The following LUZP2 variants were observed in gnomAD, a reference collection of about 807,000 sequenced individuals.
LUZP2 encodes the protein leucine zipper protein 2.
Under a neutral mutation model 51.6 loss-of-function variants are expected in LUZP2, and 52 were observed. That is an observed-to-expected ratio of 1.01 (90% confidence interval 0.81 to 1.27). The LOEUF (loss-of-function observed/expected upper bound fraction) is 1.27, where lower values mean the gene tolerates loss of function less well. Ranked by LOEUF, LUZP2 falls within the 50% of genes most tolerant of loss-of-function variation. The probability of loss-of-function intolerance (pLI) is 0.00; values close to 1 mark genes in which losing one functional copy is unlikely to be tolerated. For missense variants in LUZP2, 436 were observed against 395.4 expected, an observed-to-expected ratio of 1.10 and a Z score of -0.87; for synonymous variants, 154 against 137.3, an observed-to-expected ratio of 1.12 and a Z score of -0.85.
intron 1 of LUZP2, among the ~76,000 whole-genome samples, chr11:24,560,603 G>A (rs746398739): frequency 6.6e-6 from 1 of 152,096 alleles, no homozygotes; most frequent in Non-Finnish European, 1.5e-5. Context: ...AAAATACAGA[G>A]TTCTTTGCCC....
At chr11:24,738,429 C>G (rs1376721378) in intron 4 of LUZP2, 127 bp downstream of exon 4, 1 of 667,870 alleles carries the variant, frequency 1.5e-6, no homozygotes, top group Non-Finnish European at 2.6e-6. Flanking sequence ...AAAGAAGCAT[C>G]AGTCAATGTG....
rs1426852235 is a variant in LUZP2 at position 25,081,597 on chromosome 11, C to T, written c.*2939C>T. ...AGAATCGGATAAGTTTAAAATGTTC[C>T]TCTTACATTTGTGAATGTGTCTATG... On this transcript the variant is annotated 3_prime_UTR_variant, in exon 12 of 12. Coordinates refer to ENST00000336930, the MANE Select transcript of LUZP2 (RefSeq NM_001009909.4). 1 of 151,966 alleles carries T rather than the reference C, an allele frequency of 6.6e-6. No homozygotes were observed. The highest frequency in any genetic ancestry group is 1.5e-5 in the Non-Finnish European group (1 of 67,988). The allele number at this position is 151,966 out of a possible 1,614,324, so 9.4% of individuals were successfully genotyped here.
Position 24,671,616 on chromosome 11 carries a change from T to A in LUZP2, c.63-57553T>A, listed in dbSNP as rs187622664. Among the ~76,000 whole-genome samples, 357 of 151,886 alleles carry A rather than the reference T, an allele frequency of 2.4e-3. 1 individual carries two copies. Among genetic ancestry groups the A allele is most frequent in the African/African-American group, 8.4e-3 (349 of 41,468 alleles). On this transcript the variant is annotated intron_variant, in intron 1 of 11. Coordinates refer to ENST00000336930, the MANE Select transcript of LUZP2 (RefSeq NM_001009909.4). ...CTTTCACAAATATTTCAGATATTTG[T>A]TACTGCTTACAAGTAGACTCTGATG...
At chr11:24,815,334 A>T (rs1850148222) in intron 5 of LUZP2, among the ~76,000 whole-genome samples, 1 of 152,186 alleles carries the variant, frequency 6.6e-6, no homozygotes, top group Non-Finnish European at 1.5e-5. Context: ...AAATGTTTTT[A>T]TATTGACTTT....
intron 5 of LUZP2, among the ~76,000 whole-genome samples, chr11:24,889,935 T>A (rs866193463): frequency 6.6e-6 from 1 of 152,170 alleles, no homozygotes; most frequent in Non-Finnish European, 1.5e-5. Context: ...TACAAGTATA[T>A]CATAAATGCT....
Position 24,722,492 on chromosome 11 carries a change from A to G in LUZP2, c.63-6677A>G, listed in dbSNP as rs140533341. Among the ~76,000 whole-genome samples, 581 of 152,270 alleles carry G rather than the reference A, an allele frequency of 3.8e-3. 3 individuals carry two copies. The highest frequency in any genetic ancestry group is 0.013 in the African/African-American group (549 of 41,560). Reference sequence around the variant, plus strand: ...TGCCCCCATAATCCAACCACATCCCACCAGGTTCCTCCCACAACATGTAGG... The same window carrying G: ...TGCCCCCATAATCCAACCACATCCCGCCAGGTTCCTCCCACAACATGTAGG... On this transcript the variant is annotated intron_variant, in intron 1 of 11. Transcript: ENST00000336930.
intron 9 of LUZP2, among the ~76,000 whole-genome samples, chr11:25,042,075 A>C (rs918393958): frequency 3.3e-5 from 5 of 152,194 alleles, no homozygotes; most frequent in Non-Finnish European, 5.9e-5. Flanking sequence ...GGGGACCACC[A>C]CTTCAGTATA....
chr11:24,781,926 T>C (rs898270640), intron 5 of LUZP2, among the ~76,000 whole-genome samples: 7 of 151,790 alleles, frequency 4.6e-5, no homozygotes, highest in Non-Finnish European at 1.0e-4. Context: ...GGCCTGAGAG[T>C]CTAACAAGTT....
intron 1 of LUZP2, among the ~76,000 whole-genome samples, chr11:24,589,079 T>G (rs1853171840): frequency 6.6e-6 from 1 of 152,122 alleles, no homozygotes; most frequent in Non-Finnish European, 1.5e-5. Flanking sequence ...TGAATGAATT[T>G]ATACCCCCAG....
At chr11:24,861,481 A>T (rs914839891) in intron 5 of LUZP2, among the ~76,000 whole-genome samples, 2 of 152,176 alleles carry the variant, frequency 1.3e-5, no homozygotes, top group Admixed American at 1.3e-4. Flanking sequence ...ACAGGTCAAC[A>T]TGCCAATTCA....
intron 9 of LUZP2, among the ~76,000 whole-genome samples, chr11:25,036,261 A>C (rs181258400): frequency 6.6e-6 from 1 of 152,112 alleles, no homozygotes; most frequent in Non-Finnish European, 1.5e-5. Context: ...TTGTGTGTAT[A>C]GAGCTTTTCA....
chr11:24,738,407 G>GAA (rs1461170054), intron 4 of LUZP2, 105 bp downstream of exon 4: 31 of 740,796 alleles, frequency 4.2e-5, no homozygotes, highest in Admixed American at 3.9e-4. Flanking sequence ...AAATAAAAGT[G>GAA]AAAAGACAAT....
chr11:25,017,769 T>C (rs1006806507), intron 9 of LUZP2, among the ~76,000 whole-genome samples: 14 of 152,278 alleles, frequency 9.2e-5, no homozygotes, highest in Middle Eastern at 6.8e-3. Flanking sequence ...TCTGGCTCTA[T>C]TTTTGTTCCA....
intron 1 of LUZP2, among the ~76,000 whole-genome samples, chr11:24,632,129 T>C (rs1590269462): frequency 6.6e-6 from 1 of 152,038 alleles, no homozygotes; most frequent in African/African-American, 2.4e-5. Flanking sequence ...AATATGTTAA[T>C]ACTTACCAAC....
At chr11:24,894,572 GT>G (rs747986330) in intron 5 of LUZP2, among the ~76,000 whole-genome samples, 107 of 143,624 alleles carry the variant, frequency 7.5e-4, no homozygotes, top group Middle Eastern at 3.6e-3. Flanking sequence ...GTACCCAGTA[GT>G]TTTTTTTTTT....
intron 7 of LUZP2, 114 bp from the exon 8 acceptor site, chr11:24,976,472 CTGTTT>C (rs553219415): frequency 0.019 from 9,220 of 493,270 alleles, 97 homozygotes; most frequent in African/African-American, 0.062. Flanking sequence ...TTACAGGACA[CTGTTT>C]TTTTTTTTTT....
At chr11:24,619,005 ATTAT>A (rs66554611) in intron 1 of LUZP2, among the ~76,000 whole-genome samples, 22,895 of 143,812 alleles carry the variant, frequency 0.16, 2,204 homozygotes, top group African/African-American at 0.27. Flanking sequence ...ACCACTTAGC[ATTAT>A]TTATTTATTT....
chr11:24,662,052 C>A (rs767899738), intron 1 of LUZP2, among the ~76,000 whole-genome samples: 56 of 151,788 alleles, frequency 3.7e-4, no homozygotes, highest in Admixed American at 5.3e-4. Flanking sequence ...GACAGGCAAA[C>A]AGGGAATTTC....
At chr11:24,565,431 C>T (rs1051200563) in intron 1 of LUZP2, among the ~76,000 whole-genome samples, 6 of 152,098 alleles carry the variant, frequency 3.9e-5, no homozygotes, top group African/African-American at 1.4e-4. Context: ...AAATATTTGC[C>T]TGTCAGGGAC....
Sources: allele counts gnomAD v4.1 joint callset (sites outside exome capture counted in the v4.1 genomes callset), GRCh38; gene constraint gnomAD v4.1.1; transcripts MANE v1.5; gene names NCBI Gene and HGNC (gene_info 2026-07-23, HGNC 2026-07-21).